RASGRF2: variants seen among roughly 807,000 people sequenced by gnomAD.
RASGRF2 encodes Ras protein specific guanine nucleotide releasing factor 2.
Under a neutral mutation model 151.0 loss-of-function variants are expected in RASGRF2, and 76 were observed. That is an observed-to-expected ratio of 0.50 (90% CI 0.42 to 0.61). RASGRF2 has a LOEUF of 0.61. Ranked by LOEUF, RASGRF2 falls within the 20% of genes least tolerant of loss-of-function variation. The pLI is 0.00. For missense variants in RASGRF2, 1,148 were observed against 1,564.6 expected (o/e 0.73, Z 4.49); for synonymous variants, 504 against 566.5 (o/e 0.89, Z 1.57).
chr5:81,211,146 GAA>G (rs34983763), intron 22 of RASGRF2, among the ~76,000 whole-genome samples: 19 of 126,414 alleles, frequency 1.5e-4, no homozygotes, highest in Admixed American at 4.7e-4. Context: ...CCTGTCTCCA[GAA>G]AAAAAAAAAA....
chr5:81,117,971 T>C (rs1410004069), intron 15 of RASGRF2, among the ~76,000 whole-genome samples: 4 of 152,238 alleles, frequency 2.6e-5, no homozygotes, highest in African/African-American at 9.6e-5. Context: ...CTGAGTACAC[T>C]GGGGTGGGGT....
At chr5:81,201,095 T>G (rs1055255493) in intron 18 of RASGRF2, among the ~76,000 whole-genome samples, 1 of 152,130 alleles carries the variant, frequency 6.6e-6, no homozygotes, top group African/African-American at 2.4e-5. Flanking sequence ...CAACACTGAC[T>G]GCACATTTGC....
At chr5:80,969,517 T>C (rs183225713) in intron 1 of RASGRF2, among the ~76,000 whole-genome samples, 4,235 of 151,486 alleles carry the variant, frequency 0.028, 189 homozygotes, top group African/African-American at 0.09. Context: ...GGCGCGATCT[T>C]GGCTCACTGC....
At chr5:81,138,089 T>C (rs976039259) in intron 17 of RASGRF2, among the ~76,000 whole-genome samples, 3 of 152,142 alleles carry the variant, frequency 2.0e-5, no homozygotes, top group African/African-American at 7.2e-5. Context: ...GTACTCCTTC[T>C]CAGAGAGAAT....
intron 1 of RASGRF2, among the ~76,000 whole-genome samples, chr5:81,022,143 C>G (rs556300063): frequency 3.3e-5 from 5 of 152,316 alleles, no homozygotes; most frequent in African/African-American, 1.2e-4. Flanking sequence ...CTACGTGACT[C>G]TCCCTCAGTA....
rs1219999726 is a variant in RASGRF2, at chr5:81,086,837, T to C, written c.1274T>C (p.Val425Ala). 3 of 1,608,934 alleles carry C rather than the reference T, an allele frequency of 1.9e-6. No individual in the cohort carries two copies. The highest frequency in any genetic ancestry group is 1.3e-5 in the African/African-American group (1 of 74,762). ...AKSKLEELSR[V>A]MHDEVSDTEN... Reference sequence around the variant, plus strand: ...ATCCTGTCTGTGTTGTGTCACAGAGTAATGCACGATGAAGTCAGCGACACT... The same window carrying C: ...ATCCTGTCTGTGTTGTGTCACAGAGCAATGCACGATGAAGTCAGCGACACT... The change falls in exon 9 of 27, where the codon GTA (valine) becomes GCA (alanine). Residue 425 changes from valine to alanine, a missense_variant and splice_region_variant. Physicochemically the swap from Val to Ala is moderately conservative, Grantham distance 64. Coordinates refer to ENST00000265080, the MANE Select transcript of RASGRF2 (RefSeq NM_006909.3).
At chr5:81,065,219 A>G (rs895675577) in intron 2 of RASGRF2, among the ~76,000 whole-genome samples, 6 of 152,192 alleles carry the variant, frequency 3.9e-5, no homozygotes, top group Non-Finnish European at 1.5e-5. Context: ...TAATAAATAT[A>G]TGTTGATTTA....
intron 2 of RASGRF2, among the ~76,000 whole-genome samples, chr5:81,063,603 C>T (rs1212987411): frequency 6.6e-6 from 1 of 152,016 alleles, no homozygotes; most frequent in African/African-American, 2.4e-5. Flanking sequence ...TCTGGAACTC[C>T]CACAAGACAG....
intron 1 of RASGRF2, among the ~76,000 whole-genome samples, chr5:81,014,460 G>A (rs1028197757): frequency 1.2e-4 from 18 of 152,116 alleles, no homozygotes; most frequent in East Asian, 3.8e-4. Context: ...CAGATCTCGC[G>A]AAACTTATCC....
chr5:81,108,490 C>T (rs1262949237), intron 12 of RASGRF2, among the ~76,000 whole-genome samples: 2 of 152,140 alleles, frequency 1.3e-5, no homozygotes, highest in African/African-American at 4.8e-5. Context: ...AATTTATTGG[C>T]AAAGAATACC....
chr5:81,103,974 A>C (rs1752774597), intron 12 of RASGRF2, among the ~76,000 whole-genome samples: 1 of 151,686 alleles, frequency 6.6e-6, no homozygotes. Context: ...CTATATAAAA[A>C]ATTTAAATGC....
chr5:81,174,668 A>G (rs984387939), intron 17 of RASGRF2, among the ~76,000 whole-genome samples: 1 of 152,230 alleles, frequency 6.6e-6, no homozygotes, highest in African/African-American at 2.4e-5. Flanking sequence ...GATTGTCTAT[A>G]TCAGTCACTT....
chr5:81,039,449 G>A (rs563748560), intron 1 of RASGRF2, among the ~76,000 whole-genome samples: 3 of 152,246 alleles, frequency 2.0e-5, no homozygotes, highest in South Asian at 2.1e-4. Flanking sequence ...ATTAGAAAGT[G>A]TAGCAGGTCT....
At chr5:81,125,910 A>G (rs554128981) in intron 16 of RASGRF2, among the ~76,000 whole-genome samples, 4 of 152,256 alleles carry the variant, frequency 2.6e-5, no homozygotes, top group Non-Finnish European at 5.9e-5. Context: ...ACATATTTCT[A>G]TCTAGCTGAA....
chr5:81,205,664 G>A (rs1005927004), intron 19 of RASGRF2, among the ~76,000 whole-genome samples: 4 of 152,160 alleles, frequency 2.6e-5, no homozygotes, highest in African/African-American at 9.6e-5. Context: ...TCTTCATATC[G>A]CATAAATCTT....
intron 17 of RASGRF2, among the ~76,000 whole-genome samples, chr5:81,141,260 A>G (rs1446126622): frequency 6.6e-6 from 1 of 152,098 alleles, no homozygotes; most frequent in African/African-American, 2.4e-5. Context: ...ACTCCCATGT[A>G]TCTTCTATTC....
chr5:81,057,836 C>T (rs1456415392), intron 2 of RASGRF2, among the ~76,000 whole-genome samples: 1 of 151,784 alleles, frequency 6.6e-6, no homozygotes, highest in Non-Finnish European at 1.5e-5. Context: ...CTCCACAAAA[C>T]AATCAAAAAA....
chr5:81,183,808 T>A (rs1471738158), intron 18 of RASGRF2, among the ~76,000 whole-genome samples: 1 of 152,222 alleles, frequency 6.6e-6, no homozygotes, highest in Non-Finnish European at 1.5e-5. Context: ...TTTCCTCTTC[T>A]GAAAATGAGA....
rs571235221 is a variant in RASGRF2, at chr5:81,012,668, G to T, written c.289-30209G>T. 1.4e-4 allele frequency among the ~76,000 whole-genome samples: 22 copies of T among 152,208 alleles called. No homozygotes were observed. The Middle Eastern group carries it at 0.01, about 71-fold the overall frequency. On this transcript the variant is annotated intron_variant, in intron 1 of 26. Coordinates refer to ENST00000265080, the MANE Select transcript of RASGRF2 (RefSeq NM_006909.3). The stretch of plus-strand genomic sequence containing the variant: ...GTCCAGCCACTTCAGACTGAGGTGG[G>T]ACAACTCCGACGCAGTTTTTACTAT...
Sources: gnomAD v4.1 joint callset for allele counts (sites outside exome capture counted in the v4.1 genomes callset) on GRCh38, gnomAD v4.1.1 for gene constraint, MANE v1.5 for transcripts, NCBI Gene and HGNC (gene_info 2026-07-23, HGNC 2026-07-21) for gene names.